Variants in RABGAP1L observed in about 807,000 individuals in gnomAD.
RABGAP1L encodes rab GTPase-activating protein 1-like.
In RABGAP1L, 63 loss-of-function variants were observed where a neutral mutation model predicts 137.7. The ratio of observed to expected loss-of-function variants is 0.46; its 90% confidence interval spans 0.37 to 0.56. The LOEUF is 0.56. RABGAP1L is among the 20% of genes least tolerant of loss of function. RABGAP1L has a pLI of 0.00. For missense variants in RABGAP1L, 1,095 were observed against 1,244.0 expected (o/e 0.88, Z 1.80); for synonymous variants, 431 against 433.7 (o/e 0.99, Z 0.08).
intron 17 of RABGAP1L, among the ~76,000 whole-genome samples, chr1:174,729,723 C>G (rs1682302148): frequency 6.6e-6 from 1 of 152,166 alleles, no homozygotes; most frequent in African/African-American, 2.4e-5. Flanking sequence ...AAAAAATGCT[C>G]CATATCACTA....
chr1:174,948,658 A>G (rs952456842), intron 19 of RABGAP1L: 2 of 152,112 alleles, frequency 1.3e-5, no homozygotes, highest in African/African-American at 4.8e-5. Context: ...CCCCATATAT[A>G]GATTAAATTA....
At chr1:174,364,458 T>G (rs1014507061) in intron 11 of RABGAP1L, among the ~76,000 whole-genome samples, 1 of 150,328 alleles carries the variant, frequency 6.7e-6, no homozygotes, top group Non-Finnish European at 1.5e-5. Flanking sequence ...GTTTCACCGT[T>G]TTAGCCGGGA....
At chr1:174,383,585 G>A (rs1344285043) in intron 12 of RABGAP1L, among the ~76,000 whole-genome samples, 2 of 152,148 alleles carry the variant, frequency 1.3e-5, no homozygotes, top group Admixed American at 6.5e-5. Flanking sequence ...TCTTTGACTG[G>A]GAAAGGGAAC....
chr1:174,833,078 T>G (rs1429990175), intron 19 of RABGAP1L, among the ~76,000 whole-genome samples: 2 of 152,196 alleles, frequency 1.3e-5, no homozygotes, highest in African/African-American at 4.8e-5. Flanking sequence ...TCAGAGTCTT[T>G]GCTTTACTAC....
At chr1:174,975,968 C>A (rs916636854) in intron 21 of RABGAP1L, 110 bp from the exon 22 acceptor site, 1 of 956,146 alleles carries the variant, frequency 1.0e-6, no homozygotes, top group Non-Finnish European at 1.6e-6. Context: ...TAATGACTTG[C>A]AATAATTTTG....
intron 12 of RABGAP1L, among the ~76,000 whole-genome samples, chr1:174,392,310 T>A (rs1428156197): frequency 6.6e-6 from 1 of 152,214 alleles, no homozygotes; most frequent in Non-Finnish European, 1.5e-5. Context: ...ATTATTTTTC[T>A]ATGCATGTCT....
intron 1 of RABGAP1L, among the ~76,000 whole-genome samples, chr1:174,186,086 G>T: frequency 6.6e-6 from 1 of 151,404 alleles, no homozygotes; most frequent in East Asian, 1.9e-4. Flanking sequence ...GGAGGTTGCG[G>T]TGAGCCGAGA....
chr1:174,405,767 T>C (rs1254994879), intron 13 of RABGAP1L, among the ~76,000 whole-genome samples: 1 of 151,980 alleles, frequency 6.6e-6, no homozygotes, highest in African/African-American at 2.4e-5. Context: ...TGCTTGAGCC[T>C]AGGAGTTCGA....
intron 11 of RABGAP1L, among the ~76,000 whole-genome samples, chr1:174,310,851 T>C (rs2148793961): frequency 6.6e-6 from 1 of 152,250 alleles, no homozygotes; most frequent in South Asian, 2.1e-4. Context: ...TATTCTCTCA[T>C]ACTCATATTC....
chr1:174,474,822 C>T (rs972418658), intron 13 of RABGAP1L, among the ~76,000 whole-genome samples: 4 of 151,976 alleles, frequency 2.6e-5, no homozygotes, highest in East Asian at 1.9e-4. Context: ...AGGATGGTCT[C>T]GATCTCTTGA....
chr1:174,950,178 G>T (rs1335735630), intron 19 of RABGAP1L, among the ~76,000 whole-genome samples: 1 of 152,206 alleles, frequency 6.6e-6, no homozygotes, highest in Non-Finnish European at 1.5e-5. Flanking sequence ...CTGGGAATTT[G>T]ATGTCTGTAA....
At chr1:174,865,435 A>C (rs1005527404) in intron 19 of RABGAP1L, among the ~76,000 whole-genome samples, 1 of 152,254 alleles carries the variant, frequency 6.6e-6, no homozygotes. Context: ...TCTCAGAATG[A>C]AGCTCCTTTA....
chr1:174,735,765 A>C (rs993903003), intron 17 of RABGAP1L, among the ~76,000 whole-genome samples: 6 of 152,112 alleles, frequency 3.9e-5, no homozygotes, highest in African/African-American at 1.2e-4. Context: ...TTTCAATCAT[A>C]GTGGAAGGTG....
At chr1:174,715,893 CT>C (rs1169384933) in intron 17 of RABGAP1L, among the ~76,000 whole-genome samples, 1 of 152,202 alleles carries the variant, frequency 6.6e-6, no homozygotes, top group Non-Finnish European at 1.5e-5. Context: ...TCTTTTCCAG[CT>C]GCACTTTTCA....
At chr1:174,426,445 A>G (rs111999570) in intron 13 of RABGAP1L, among the ~76,000 whole-genome samples, 37 of 152,118 alleles carry the variant, frequency 2.4e-4, no homozygotes, top group Admixed American at 1.0e-3. Context: ...AAATTTTCCA[A>G]AACTTTTCTA....
intron 19 of RABGAP1L, among the ~76,000 whole-genome samples, chr1:174,814,296 T>C (rs530147215): frequency 6.6e-6 from 1 of 152,296 alleles, no homozygotes; most frequent in South Asian, 2.1e-4. Flanking sequence ...ATTTAAAATT[T>C]TTAATAATTT....
chr1:174,913,791 T>G (rs1028686542), intron 19 of RABGAP1L, among the ~76,000 whole-genome samples: 1 of 152,246 alleles, frequency 6.6e-6, no homozygotes, highest in African/African-American at 2.4e-5. Flanking sequence ...TTTTACTTAG[T>G]GCTGTGTTAA....
At chr1:174,179,670 T>C (rs1034339183) in intron 1 of RABGAP1L, among the ~76,000 whole-genome samples, 2 of 152,130 alleles carry the variant, frequency 1.3e-5, no homozygotes, top group Non-Finnish European at 2.9e-5. Context: ...CCAGCAATCT[T>C]ACCCACCATT....
chr1:174,545,776 G>A (rs1297590017), intron 13 of RABGAP1L: 1 of 152,194 alleles, frequency 6.6e-6, no homozygotes. Flanking sequence ...ATGTAATTTT[G>A]TAGAAGTTAC....
Sources: gnomAD v4.1 joint callset for allele counts (sites outside exome capture counted in the v4.1 genomes callset) on GRCh38, gnomAD v4.1.1 for gene constraint, MANE v1.5 for transcripts, NCBI Gene and HGNC (gene_info 2026-07-23, HGNC 2026-07-21) for gene names.